The following HBS1L variants were observed in gnomAD, a reference collection of about 807,000 sequenced individuals.
HBS1L encodes the protein HBS1-like protein.
In HBS1L, 55 loss-of-function variants were observed where a neutral mutation model predicts 88.9. That is an observed-to-expected ratio of 0.62 (90% confidence interval 0.50 to 0.77). The LOEUF is 0.77. Ranked by LOEUF, HBS1L falls within the 30% of genes least tolerant of loss-of-function variation. The pLI is 0.00. For synonymous variants in HBS1L, 267 were observed against 288.5 expected, an observed-to-expected ratio of 0.93 and a Z score of 0.76; for missense variants, 741 against 829.3, an observed-to-expected ratio of 0.89 and a Z score of 1.31.
intron 15 of HBS1L, among the ~76,000 whole-genome samples, chr6:134,973,710 G>A (rs892350003): frequency 2.3e-4 from 35 of 151,954 alleles, no homozygotes; most frequent in African/African-American, 7.0e-4. Flanking sequence ...CCAGCTACTC[G>A]AGAGGCTGAG....
At chr6:135,006,380 G>C (rs1775612283) in intron 4 of HBS1L, among the ~76,000 whole-genome samples, 1 of 151,742 alleles carries the variant, frequency 6.6e-6, no homozygotes, top group South Asian at 2.1e-4. Flanking sequence ...TTTCCATACA[G>C]ATAGGTCATA....
At chr6:135,050,255 A>G (rs1318831363) in intron 2 of HBS1L, among the ~76,000 whole-genome samples, 1 of 152,244 alleles carries the variant, frequency 6.6e-6, no homozygotes, top group Non-Finnish European at 1.5e-5. Flanking sequence ...TTGAGGATAT[A>G]ATGGCTGCCT....
rs11961397 is a variant in HBS1L, at chr6:134,981,154, T to C, written c.1597+1304A>G. Among the ~76,000 whole-genome samples the C allele has an allele frequency of 6.2e-4, 94 of 152,036 alleles. 1 individual carries two copies. Among genetic ancestry groups the C allele is most frequent in the African/African-American group, 2.1e-3 (88 of 41,552 alleles). On this transcript the variant is annotated intron_variant, in intron 13 of 17. Coordinates refer to ENST00000367837, the MANE Select transcript of HBS1L (RefSeq NM_006620.4). Reference sequence around the variant, plus strand: ...CTCAAGGTCTGTGATAACTTTAGGATCATGGTTTTAATTTATGGCTCTTAA... The same window carrying C: ...CTCAAGGTCTGTGATAACTTTAGGACCATGGTTTTAATTTATGGCTCTTAA...
intron 4 of HBS1L, among the ~76,000 whole-genome samples, chr6:135,022,317 G>T (rs1286473023): frequency 7.1e-6 from 1 of 140,622 alleles, no homozygotes; most frequent in African/African-American, 2.7e-5. Flanking sequence ...AATTTGTAAG[G>T]TCAAAAAAAA....
At chr6:135,018,158 A>G (rs555847575) in intron 4 of HBS1L, among the ~76,000 whole-genome samples, 3 of 152,202 alleles carry the variant, frequency 2.0e-5, no homozygotes, top group South Asian at 4.1e-4. Context: ...AATGAAAAAA[A>G]CACTACTTAA....
intron 4 of HBS1L, among the ~76,000 whole-genome samples, chr6:135,023,596 C>T (rs543925965): frequency 1.3e-5 from 2 of 152,030 alleles, no homozygotes; most frequent in South Asian, 4.2e-4. Context: ...AAGAATATAA[C>T]CTCATCATAT....
intron 4 of HBS1L, chr6:135,037,213 A>AG: frequency 6.4e-7 from 1 of 1,551,858 alleles, no homozygotes; most frequent in South Asian, 1.2e-5. Context: ...TAATTGTGAC[A>AG]GGGGAAAGGA....
rs1774174720 is a variant in HBS1L at position 134,961,053 on chromosome 6, C to T, written c.*4226G>A. The T allele has an allele frequency of 1.4e-5, 2 of 144,456 alleles. No individual in the cohort carries two copies. Among genetic ancestry groups the T allele is most frequent in the African/African-American group, 2.5e-5 (1 of 39,358 alleles). 8.9% of individuals were successfully genotyped at this position (144,456 alleles called of 1,614,324 possible). ...TTGTCTTCATTTAATTTTCTTGTTT[C>T]CTTTCCATCTTTTGCTGTACAGACT... On this transcript the variant is annotated 3_prime_UTR_variant, in exon 18 of 18. Transcript: ENST00000367837.
At chr6:135,003,911 TGGA>T (rs1775536366) in intron 4 of HBS1L, among the ~76,000 whole-genome samples, 1 of 152,016 alleles carries the variant, frequency 6.6e-6, no homozygotes, top group Admixed American at 6.6e-5. Flanking sequence ...AATGGAGGGA[TGGA>T]GGAGAATAAA....
At chr6:134,982,593 T>A (rs751019086) in intron 12 of HBS1L, 31 bp from the exon 13 acceptor site, 13 of 1,250,336 alleles carry the variant, frequency 1.0e-5, no homozygotes, top group African/African-American at 1.5e-5. Flanking sequence ...TTATGGTTCA[T>A]ACAGCAATGT....
At chr6:135,014,447 TG>T (rs1775859954) in intron 4 of HBS1L, among the ~76,000 whole-genome samples, 1 of 152,058 alleles carries the variant, frequency 6.6e-6, no homozygotes, top group African/African-American at 2.4e-5. Context: ...TTCTAACAGA[TG>T]TGATGAACAG....
chr6:134,970,912 C>T (rs1774463377), intron 15 of HBS1L, among the ~76,000 whole-genome samples: 1 of 152,068 alleles, frequency 6.6e-6, no homozygotes, highest in Admixed American at 6.6e-5. Flanking sequence ...GATCAATGCC[C>T]AGGACATATC....
intron 5 of HBS1L, among the ~76,000 whole-genome samples, chr6:134,998,313 G>A (rs1354620165): frequency 6.6e-6 from 1 of 152,176 alleles, no homozygotes; most frequent in East Asian, 1.9e-4. Context: ...ATATAAAGGA[G>A]AAACAAGACT....
rs188898365 is a variant in HBS1L at position 134,990,229 on chromosome 6, C to T, written c.1084-2438G>A. 2.5e-3 allele frequency among the ~76,000 whole-genome samples: 381 copies of T among 152,282 alleles called. 6 individuals are homozygous for T. Among genetic ancestry groups the T allele is most frequent in the Admixed American group, 0.019 (294 of 15,292 alleles). Reference sequence around the variant, plus strand: ...TATTAATATTATTTCTAGGCAATAGCTCTTGTCTTTGGGAGTCCAAATGCC... The same window carrying T: ...TATTAATATTATTTCTAGGCAATAGTTCTTGTCTTTGGGAGTCCAAATGCC... On this transcript the variant is annotated intron_variant, in intron 8 of 17. Coordinates refer to ENST00000367837, the MANE Select transcript of HBS1L (RefSeq NM_006620.4).
intron 2 of HBS1L, among the ~76,000 whole-genome samples, chr6:135,048,484 C>T (rs1397176937): frequency 2.0e-5 from 3 of 152,192 alleles, no homozygotes; most frequent in African/African-American, 4.8e-5. Context: ...TGAGTCCTGG[C>T]CCCACAGTCC....
chr6:135,003,856 C>G (rs1318188850), intron 4 of HBS1L, among the ~76,000 whole-genome samples: 5 of 152,038 alleles, frequency 3.3e-5, no homozygotes, highest in Admixed American at 3.3e-4. Context: ...CAGAGTGAGA[C>G]TCCGTCTCCA....
chr6:135,026,011 A>G lies in HBS1L; in HGVS notation c.430+13562T>C, dbSNP rs182232619. ...CTAGTTAGCAACATGCAACAATAGA[A>G]AACAGTAGAGCAACAGCTGCAAAGT... On this transcript the variant is annotated intron_variant, in intron 4 of 17. Transcript: ENST00000367837. Among the ~76,000 whole-genome samples, 248 of 152,324 alleles carry G rather than the reference A, an allele frequency of 1.6e-3. 1 individual carries two copies. The highest frequency in any genetic ancestry group is 2.9e-3 in the Non-Finnish European group (199 of 68,022).
intron 5 of HBS1L, 75 bp from the exon 6 acceptor site, chr6:134,997,731 A>G: frequency 7.4e-7 from 1 of 1,357,242 alleles, no homozygotes. Flanking sequence ...AGGGCAGAGA[A>G]ACTGTTTCTT....
intron 4 of HBS1L, among the ~76,000 whole-genome samples, chr6:135,012,431 C>A (rs1446477429): frequency 6.6e-6 from 1 of 152,128 alleles, no homozygotes; most frequent in Non-Finnish European, 1.5e-5. Context: ...TACTTCTATG[C>A]TACAATGACT....
Sources: allele counts gnomAD v4.1 joint callset (sites outside exome capture counted in the v4.1 genomes callset), GRCh38; gene constraint gnomAD v4.1.1; transcripts MANE v1.5; gene names NCBI Gene and HGNC (gene_info 2026-07-23, HGNC 2026-07-21).